Variants in ASTN2 observed in about 807,000 individuals in gnomAD.
The protein encoded by ASTN2 is astrotactin 2.
In ASTN2, 54 loss-of-function variants were observed where a neutral mutation model predicts 139.8. The observed-to-expected ratio is 0.39, with a 90% CI of 0.31 to 0.48. ASTN2 has a LOEUF of 0.48. Among genes scored for constraint, ASTN2 ranks in the 20% least tolerant of loss-of-function variants. The probability of loss-of-function intolerance (pLI) is 0.95; values close to 1 mark genes in which losing one functional copy is unlikely to be tolerated. For missense variants in ASTN2, 1,565 were observed against 1,725.1 expected (o/e 0.91, Z 1.64); for synonymous variants, 756 against 719.5 (o/e 1.05, Z -0.81).
intron 1 of ASTN2, among the ~76,000 whole-genome samples, chr9:117,347,892 G>A (rs1043192145): frequency 6.6e-6 from 1 of 152,156 alleles, no homozygotes; most frequent in African/African-American, 2.4e-5. Context: ...TATATGTCCA[G>A]CTTTCTGAAG....
chr9:116,861,246 C>T (rs1335057779), intron 11 of ASTN2, among the ~76,000 whole-genome samples: 1 of 151,802 alleles, frequency 6.6e-6, no homozygotes, highest in Non-Finnish European at 1.5e-5. Context: ...CACACACACA[C>T]ACACACACAC....
intron 3 of ASTN2, among the ~76,000 whole-genome samples, chr9:117,149,988 C>T (rs1830291350): frequency 1.3e-5 from 2 of 152,178 alleles, no homozygotes; most frequent in Non-Finnish European, 2.9e-5. Flanking sequence ...AATTGGAAAA[C>T]TTGGGAATAG....
chr9:116,773,077 T>C (rs1829995918), intron 13 of ASTN2, among the ~76,000 whole-genome samples: 1 of 119,142 alleles, frequency 8.4e-6, no homozygotes, highest in Non-Finnish European at 1.7e-5. Context: ...ACACTGGACC[T>C]CCATCCTATT....
chr9:117,378,571 T>C (rs1257104262), intron 1 of ASTN2, among the ~76,000 whole-genome samples: 1 of 152,126 alleles, frequency 6.6e-6, no homozygotes, highest in Non-Finnish European at 1.5e-5. Context: ...CAAACACATA[T>C]CCACTGCCCC....
chr9:116,609,320 C>G (rs58041841), intron 19 of ASTN2, among the ~76,000 whole-genome samples: 3,224 of 120,740 alleles, frequency 0.027, 124 homozygotes, highest in African/African-American at 0.11. Flanking sequence ...CTCTCTCTCT[C>G]TCTCTCTCTA....
intron 11 of ASTN2, among the ~76,000 whole-genome samples, chr9:116,822,569 T>C (rs1298843234): frequency 6.6e-6 from 1 of 152,140 alleles, no homozygotes; most frequent in African/African-American, 2.4e-5. Context: ...TTGAAAAGAA[T>C]GACTGATTTT....
intron 6 of ASTN2, among the ~76,000 whole-genome samples, chr9:117,035,387 G>T (rs1414061332): frequency 6.6e-6 from 1 of 152,052 alleles, no homozygotes; most frequent in African/African-American, 2.4e-5. Flanking sequence ...TTTATGTTAG[G>T]TTGTAACACA....
At chr9:116,709,452 A>C (rs1022946109) in intron 16 of ASTN2, among the ~76,000 whole-genome samples, 2 of 152,222 alleles carry the variant, frequency 1.3e-5, no homozygotes, top group African/African-American at 4.8e-5. Context: ...CCTGATAATG[A>C]AACAGGACCC....
chr9:117,008,160 G>A lies in ASTN2; in HGVS notation c.1523C>T (p.Pro508Leu), dbSNP rs552731748. The A allele has an allele frequency of 1.9e-6, 3 of 1,611,264 alleles. No homozygotes were observed. The highest frequency in any genetic ancestry group is 2.2e-5 in the South Asian group (2 of 90,490). Residue 508 changes from proline (P) to leucine (L), a missense_variant, in exon 7 of 23, where the codon CCA becomes CTA. Physicochemically the swap from Pro to Leu is moderately conservative, Grantham distance 98. Around this residue, in one of 4 missense-constraint regions of ASTN2, gnomAD observed 503 missense variants for 591.7 expected, o/e 0.85. Transcript: ENST00000313400. Reference sequence around the variant, plus strand: ...TTGTCCACAGAGGTCCCTCACCCATGGGGAGGTGGCATTGATCTGGTAATA... The same window carrying A: ...TTGTCCACAGAGGTCCCTCACCCATAGGGAGGTGGCATTGATCTGGTAATA... ...SLYYQINATSPWVRDLCGQRT... is the reference protein window; with the variant it reads ...SLYYQINATSLWVRDLCGQRT...
At chr9:117,026,033 G>T (rs1283949664) in intron 6 of ASTN2, among the ~76,000 whole-genome samples, 2 of 151,772 alleles carry the variant, frequency 1.3e-5, no homozygotes, top group Non-Finnish European at 2.9e-5. Flanking sequence ...CCAAAGTGTT[G>T]GGATTACAGG....
In ASTN2 at chr9:116,567,904, C is replaced by G. The variant is rs147042893; in HGVS notation, c.3355+50420G>C. Among the ~76,000 whole-genome samples the G allele has an allele frequency of 1.4e-3, 207 of 152,212 alleles. 1 individual carries two copies. The highest frequency in any genetic ancestry group is 2.4e-3 in the Non-Finnish European group (161 of 68,014). The stretch of plus-strand genomic sequence containing the variant: ...CTGCATCCCAGATATGAAAACCAAG[C>G]CTCAGAGAGACTGTGCCTTTAATAA... On this transcript the variant is annotated intron_variant, in intron 19 of 22. Coordinates refer to ENST00000313400, the MANE Select transcript of ASTN2 (RefSeq NM_001365068.1).
intron 6 of ASTN2, among the ~76,000 whole-genome samples, chr9:117,013,084 C>T (rs190941704): frequency 1.1e-3 from 168 of 152,186 alleles, no homozygotes; most frequent in African/African-American, 2.4e-3. Flanking sequence ...AGGCAAAGCC[C>T]GGCTTCATTT....
In ASTN2 at chr9:117,414,109, G is replaced by C. The variant is rs1040446579; in HGVS notation, c.442+388C>G. On this transcript the variant is annotated intron_variant, in intron 1 of 22. Coordinates refer to ENST00000313400, the MANE Select transcript of ASTN2 (RefSeq NM_001365068.1). The surrounding 1 kb of genome is among the most constrained non-coding windows in gnomAD (Gnocchi z 4.2). ...GCGGTGACGGCGGGTGGCCAGTGAC[G>C]GTACCCGGAGAAGTGGGAGGCTCGA... 2.2e-4 allele frequency among the ~76,000 whole-genome samples: 34 copies of C among 152,006 alleles called. No individual in the cohort carries two copies. The highest frequency in any genetic ancestry group is 3.9e-4 in the Admixed American group (6 of 15,280).
intron 12 of ASTN2, among the ~76,000 whole-genome samples, chr9:116,818,764 T>C (rs1018394920): frequency 6.6e-6 from 1 of 152,316 alleles, no homozygotes; most frequent in South Asian, 2.1e-4. Context: ...TGGTAATATA[T>C]TTAGTCCTTA....
chr9:116,756,502 C>T (rs948028967), intron 13 of ASTN2, among the ~76,000 whole-genome samples: 2 of 152,054 alleles, frequency 1.3e-5, no homozygotes, highest in Non-Finnish European at 1.5e-5. Flanking sequence ...TTGTTTGTGG[C>T]TCTCCAGTAA....
At chr9:117,365,584 C>G (rs2130904011) in intron 1 of ASTN2, among the ~76,000 whole-genome samples, 1 of 152,244 alleles carries the variant, frequency 6.6e-6, no homozygotes, top group African/African-American at 2.4e-5. Context: ...ATGCTCTGGT[C>G]CATGAGTGGC....
intron 5 of ASTN2, among the ~76,000 whole-genome samples, chr9:117,060,506 A>G (rs145139936): frequency 0.36 from 29,120 of 81,882 alleles, 7,462 homozygotes; most frequent in Middle Eastern, 0.47. Context: ...AGAAAGAAAG[A>G]AAGAAAGGAA....
At chr9:117,376,358 C>T (rs1830124514) in intron 1 of ASTN2, among the ~76,000 whole-genome samples, 1 of 152,080 alleles carries the variant, frequency 6.6e-6, no homozygotes, top group South Asian at 2.1e-4. Flanking sequence ...TAGTATGTCG[C>T]CTCCAGGAAA....
intron 11 of ASTN2, among the ~76,000 whole-genome samples, chr9:116,850,558 G>A (rs984452547): frequency 1.3e-5 from 2 of 152,058 alleles, no homozygotes; most frequent in African/African-American, 2.4e-5. Context: ...TTTCTGAGTT[G>A]GCTTCCACAC....
Sources: allele counts gnomAD v4.1 joint callset (sites outside exome capture counted in the v4.1 genomes callset), GRCh38; gene constraint gnomAD v4.1.1; regional missense constraint gnomAD v4.1.1; non-coding constraint Gnocchi (gnomAD v3.1); transcripts MANE v1.5; gene names NCBI Gene and HGNC (gene_info 2026-07-23, HGNC 2026-07-21).